Variants in C8orf74 observed in about 807,000 individuals in gnomAD.
The protein encoded by C8orf74 is chromosome 8 open reading frame 74.
C8orf74 carries 29 observed loss-of-function variants against 22.2 expected under a neutral mutation model. The observed-to-expected ratio is 1.31, with a 90% CI of 0.97 to 1.78. The LOEUF (loss-of-function observed/expected upper bound fraction) is 1.78. C8orf74 is among the 40% of genes most tolerant of loss of function. The probability of loss-of-function intolerance (pLI) is 0.00; values close to 1 mark genes in which losing one functional copy is unlikely to be tolerated. For synonymous variants in C8orf74, 255 were observed against 163.1 expected (o/e 1.56, Z -4.30); for missense variants, 515 against 369.9 (o/e 1.39, Z -3.22).
intron 2 of C8orf74, among the ~76,000 whole-genome samples, chr8:10,684,601 T>C (rs576864726): frequency 1.6e-4 from 25 of 152,362 alleles, no homozygotes; most frequent in Non-Finnish European, 2.2e-4. Flanking sequence ...CCATCAGAGA[T>C]ATATTTCAAA....
chr8:10,680,183 C>T (rs1252911757), intron 2 of C8orf74, among the ~76,000 whole-genome samples: 1 of 152,190 alleles, frequency 6.6e-6, no homozygotes, highest in Non-Finnish European at 1.5e-5. Context: ...CTGCAAGCAC[C>T]GCCAATGTGA....
chr8:10,682,854 T>C (rs544228679), intron 2 of C8orf74, among the ~76,000 whole-genome samples: 2 of 152,256 alleles, frequency 1.3e-5, no homozygotes, highest in Non-Finnish European at 2.9e-5. Context: ...GGAGGCCTTG[T>C]GTGTCATGTG....
At chr8:10,676,639 C>T (rs1799038757) in intron 2 of C8orf74, among the ~76,000 whole-genome samples, 1 of 152,146 alleles carries the variant, frequency 6.6e-6, no homozygotes, top group Admixed American at 6.5e-5. Context: ...GTGGTCCCAG[C>T]CTAAAGGCTA....
At chr8:10,690,785 C>T (rs924358788) in intron 2 of C8orf74, 4 of 443,790 alleles carry the variant, frequency 9.0e-6, no homozygotes, top group Admixed American at 2.4e-5. Context: ...TGGAGCTTCC[C>T]GTGCTGACAT....
At chr8:10,682,484 A>G (rs1586036369) in intron 2 of C8orf74, among the ~76,000 whole-genome samples, 1 of 152,054 alleles carries the variant, frequency 6.6e-6, no homozygotes, top group African/African-American at 2.4e-5. Flanking sequence ...TGGCTTGTGG[A>G]CATCCGCCTT....
At chr8:10,681,569 C>G (rs73541496) in intron 2 of C8orf74, among the ~76,000 whole-genome samples, 27,602 of 152,104 alleles carry the variant, frequency 0.18, 2,868 homozygotes, top group African/African-American at 0.27. Context: ...TCCCCTGCTT[C>G]AGGCTTCCCT....
At chr8:10,679,409 C>T (rs113159690) in intron 2 of C8orf74, among the ~76,000 whole-genome samples, 255 of 152,292 alleles carry the variant, frequency 1.7e-3, no homozygotes, top group African/African-American at 5.6e-3. Context: ...TTTCCTCCCT[C>T]GGCTTTGCTC....
rs1799484915 is a variant in C8orf74 at position 10,695,851 on chromosome 8, C to T, written c.242-1748C>T. Among the ~76,000 whole-genome samples the T allele has an allele frequency of 2.0e-5, 3 of 152,138 alleles. No individual in the cohort carries two copies. The South Asian group carries it at 6.2e-4, about 31-fold the overall frequency. On this transcript the variant is annotated intron_variant, in intron 2 of 3. Coordinates refer to ENST00000304519, the MANE Select transcript of C8orf74 (RefSeq NM_001040032.2). The stretch of plus-strand genomic sequence containing the variant: ...GGGGAAAAGCCCGGCTCCTTGCCTA[C>T]AGCATGTTACTTTCATTGTCGGCAG...
At chr8:10,676,981 C>G (rs926141336) in intron 2 of C8orf74, among the ~76,000 whole-genome samples, 3 of 152,204 alleles carry the variant, frequency 2.0e-5, no homozygotes, top group Non-Finnish European at 2.9e-5. Flanking sequence ...AACTTCAACC[C>G]AAGATTAGGG....
chr8:10,689,341 G>C (rs1455661826), intron 2 of C8orf74: 1 of 152,210 alleles, frequency 6.6e-6, no homozygotes, highest in Non-Finnish European at 1.5e-5. Flanking sequence ...TTGGTCCAGA[G>C]AGATGTGCTC....
chr8:10,690,403 G>A (rs1799351405), intron 2 of C8orf74, among the ~76,000 whole-genome samples: 1 of 152,142 alleles, frequency 6.6e-6, no homozygotes, highest in African/African-American at 2.4e-5. Flanking sequence ...GCACAAAGGG[G>A]GCAGGGGGCA....
intron 2 of C8orf74, 118 bp downstream of exon 2, chr8:10,674,956 C>T: frequency 2.5e-6 from 2 of 801,160 alleles, no homozygotes; most frequent in South Asian, 3.8e-5. Flanking sequence ...CCCTTCCTGC[C>T]CTTCCCTGGC....
chr8:10,684,580 T>G (rs1799221339), intron 2 of C8orf74, among the ~76,000 whole-genome samples: 1 of 152,166 alleles, frequency 6.6e-6, no homozygotes, highest in Non-Finnish European at 1.5e-5. Flanking sequence ...TTTATAGTAG[T>G]CCCCTCTAAT....
chr8:10,687,616 A>C (rs900733941), intron 2 of C8orf74, among the ~76,000 whole-genome samples: 22 of 105,574 alleles, frequency 2.1e-4, no homozygotes, highest in African/African-American at 1.4e-3. Context: ...ACTCCATCTC[A>C]AAAAAAAAAA....
At chr8:10,687,615 C>CAAAAAAAA (rs374455264) in intron 2 of C8orf74, among the ~76,000 whole-genome samples, 5 of 53,058 alleles carry the variant, frequency 9.4e-5, no homozygotes, top group Admixed American at 2.0e-4. Flanking sequence ...GACTCCATCT[C>CAAAAAAAA]AAAAAAAAAA....
At chr8:10,698,428 G>A (rs1211437554) in intron 3 of C8orf74, among the ~76,000 whole-genome samples, 1 of 152,152 alleles carries the variant, frequency 6.6e-6, no homozygotes, top group Admixed American at 6.5e-5. Flanking sequence ...GAAGATGGAG[G>A]AGGCAGGGAC....
In C8orf74 at chr8:10,674,814, G is replaced by A. The variant is rs1431918367; in HGVS notation, c.217G>A (p.Glu73Lys). ...VEVAQVVKFT[E>K]ELLRETKGCS... ...GGTGGCCCAGGTGGTCAAGTTCACAGAAGAGCTGCTAAGGGAAACCAAAGG... is the reference window on the plus strand; with the variant it reads ...GGTGGCCCAGGTGGTCAAGTTCACAAAAGAGCTGCTAAGGGAAACCAAAGG... The change falls in exon 2 of 4, where the codon GAA becomes AAA. Residue 73 changes from glutamate (E) to lysine (K), a missense_variant. By Grantham distance (56) the Glu-to-Lys change is moderately conservative. Transcript: ENST00000304519. 6.2e-7 allele frequency: 1 copy of A among 1,603,898 alleles called. No individual in the cohort carries two copies. The highest frequency in any genetic ancestry group is 1.7e-5 in the Admixed American group (1 of 58,416).
At chr8:10,692,839 TG>T (rs1255135193) in intron 2 of C8orf74, 1 of 152,238 alleles carries the variant, frequency 6.6e-6, no homozygotes, top group African/African-American at 2.4e-5. Context: ...TCCTGGGAGC[TG>T]GGCACTGCTC....
intron 2 of C8orf74, among the ~76,000 whole-genome samples, chr8:10,693,683 C>G (rs1348380168): frequency 6.6e-6 from 1 of 152,164 alleles, no homozygotes; most frequent in African/African-American, 2.4e-5. Context: ...ACGTCAGCGT[C>G]TCATCATATG....
Sources: allele counts gnomAD v4.1 joint callset (sites outside exome capture counted in the v4.1 genomes callset), GRCh38; gene constraint gnomAD v4.1.1; transcripts MANE v1.5; gene names NCBI Gene and HGNC (gene_info 2026-07-23, HGNC 2026-07-21).